TDRD12: variants seen among roughly 807,000 people sequenced by gnomAD.
TDRD12 encodes putative ATP-dependent RNA helicase TDRD12.
A neutral mutation model predicts 133.5 loss-of-function variants in TDRD12; 158 were observed. The ratio of observed to expected loss-of-function variants is 1.18; its 90% CI spans 1.04 to 1.35. The LOEUF is 1.35. TDRD12 is among the 40% of genes most tolerant of loss of function. The pLI is 0.00. For synonymous variants in TDRD12, 460 were observed against 477.9 expected, an observed-to-expected ratio of 0.96 and a Z score of 0.49; for missense variants, 1,443 against 1,321.3, an observed-to-expected ratio of 1.09 and a Z score of -1.43.
chr19:32,800,179 T>G (rs1265940477), exon 17 of TDRD12: 4 of 1,498,116 alleles, frequency 2.7e-6, no homozygotes. Context: ...GTTTGCTATA[T>G]TAGATAACTT....
At chr19:32,781,294 A>G (rs1340532381) in intron 11 of TDRD12, among the ~76,000 whole-genome samples, 1 of 151,658 alleles carries the variant, frequency 6.6e-6, no homozygotes, top group Non-Finnish European at 1.5e-5. Context: ...TGTTATCTAA[A>G]CTCAGGTTCT....
intron 1 of TDRD12, among the ~76,000 whole-genome samples, chr19:32,725,231 A>G (rs1403869843): frequency 6.6e-6 from 1 of 151,310 alleles, no homozygotes; most frequent in African/African-American, 2.4e-5. Context: ...CCATTTGTCA[A>G]TTTTTACTTT....
intron 8 of TDRD12, among the ~76,000 whole-genome samples, chr19:32,766,276 G>A (rs117259128): frequency 0.012 from 1,898 of 152,140 alleles, 17 homozygotes; most frequent in Non-Finnish European, 0.02. Context: ...TATTTATGGG[G>A]TACATGAGAT....
chr19:32,793,449 G>C (rs1971128008), intron 13 of TDRD12, among the ~76,000 whole-genome samples: 1 of 152,148 alleles, frequency 6.6e-6, no homozygotes, highest in Admixed American at 6.5e-5. Flanking sequence ...CAGGATAGTT[G>C]CTCAATACCA....
intron 5 of TDRD12, among the ~76,000 whole-genome samples, chr19:32,749,006 T>G (rs1034669241): frequency 2.0e-5 from 3 of 152,236 alleles, no homozygotes; most frequent in Admixed American, 6.5e-5. Context: ...CAGTGTCTTT[T>G]GTGGGATCTG....
intron 4 of TDRD12, among the ~76,000 whole-genome samples, chr19:32,744,499 C>CAAAAAAAA (rs10644749): frequency 4.5e-4 from 17 of 38,080 alleles, no homozygotes; most frequent in African/African-American, 1.0e-3. Flanking sequence ...GACTCCGTCT[C>CAAAAAAAA]AAAAAAAAAA....
chr19:32,769,680 A>T (rs1445176212), intron 8 of TDRD12, among the ~76,000 whole-genome samples: 1 of 151,638 alleles, frequency 6.6e-6, no homozygotes, highest in Non-Finnish European at 1.5e-5. Context: ...CTCATTGCCC[A>T]GGCTAGAGTG....
chr19:32,765,314 T>A (rs1970263737), intron 8 of TDRD12, among the ~76,000 whole-genome samples: 1 of 152,178 alleles, frequency 6.6e-6, no homozygotes, highest in Non-Finnish European at 1.5e-5. Flanking sequence ...GTTCAACCAT[T>A]GTGGAAGTCA....
chr19:32,802,642 C>T lies in TDRD12; in HGVS notation c.2198-14C>T. Reference sequence around the variant, plus strand: ...CTCCAGCGCGTGTGACATTGTCGGACTCCCTCTCTGCAGCCCTCACAGACG... The same window carrying T: ...CTCCAGCGCGTGTGACATTGTCGGATTCCCTCTCTGCAGCCCTCACAGACG... On this transcript the variant is annotated splice_polypyrimidine_tract_variant and intron_variant, in intron 19 of 27. Transcript: ENST00000444215. 2.0e-6 allele frequency: 3 copies of T among 1,535,122 alleles called. No homozygotes were observed. The South Asian group carries it at 3.6e-5, about 18-fold the overall frequency.
At chr19:32,820,750 C>A (rs928454987) in intron 27 of TDRD12, among the ~76,000 whole-genome samples, 2 of 152,078 alleles carry the variant, frequency 1.3e-5, no homozygotes, top group African/African-American at 4.8e-5. Flanking sequence ...GTCCTTTGGT[C>A]CTGTTTGAAG....
intron 26 of TDRD12, among the ~76,000 whole-genome samples, chr19:32,817,006 C>T (rs535087749): frequency 5.9e-5 from 9 of 152,282 alleles, no homozygotes; most frequent in African/African-American, 1.7e-4. Context: ...AAGGAAAACA[C>T]GCACCAAGTG....
chr19:32,775,911 C>T (rs1970569723), intron 10 of TDRD12, among the ~76,000 whole-genome samples: 1 of 152,170 alleles, frequency 6.6e-6, no homozygotes, highest in African/African-American at 2.4e-5. Flanking sequence ...TTTCTGTTAA[C>T]ATTCTCTAGA....
downstream of TDRD12, among the ~76,000 whole-genome samples, chr19:32,823,627 T>TA (rs1967483148): frequency 1.3e-5 from 2 of 152,120 alleles, no homozygotes; most frequent in Non-Finnish European, 2.9e-5. Context: ...GTTCTCTTCA[T>TA]AAAGTTTGCC....
At chr19:32,757,198 T>A in intron 8 of TDRD12, 68 bp downstream of exon 8, 1 of 1,297,728 alleles carries the variant, frequency 7.7e-7, no homozygotes, top group Non-Finnish European at 1.1e-6. Context: ...TTTTAAAGAT[T>A]AGAAAGGTTG....
intron 2 of TDRD12, among the ~76,000 whole-genome samples, chr19:32,738,000 G>A (rs1969277664): frequency 6.6e-6 from 1 of 152,136 alleles, no homozygotes; most frequent in Admixed American, 6.5e-5. Flanking sequence ...ATCTGGGCCT[G>A]GTGGCATGCG....
chr19:32,734,052 C>T (rs989741855), intron 2 of TDRD12, among the ~76,000 whole-genome samples: 20 of 151,712 alleles, frequency 1.3e-4, no homozygotes, highest in Non-Finnish European at 2.4e-4. Flanking sequence ...CCACCATGCC[C>T]GGCTAATTTC....
At chr19:32,748,837 A>G (rs963466002) in intron 5 of TDRD12, among the ~76,000 whole-genome samples, 2 of 152,238 alleles carry the variant, frequency 1.3e-5, no homozygotes, top group Non-Finnish European at 2.9e-5. Context: ...AAATAAATTC[A>G]TGTGGATTTT....
At chr19:32,795,745 A>G (rs1195092456) in intron 14 of TDRD12, among the ~76,000 whole-genome samples, 1 of 152,230 alleles carries the variant, frequency 6.6e-6, no homozygotes, top group Non-Finnish European at 1.5e-5. Context: ...CTGGAGCGGA[A>G]GCATGATGCT....
intron 8 of TDRD12, among the ~76,000 whole-genome samples, chr19:32,771,840 A>G (rs1970451516): frequency 6.6e-6 from 1 of 152,220 alleles, no homozygotes; most frequent in Non-Finnish European, 1.5e-5. Context: ...GCATTTTATA[A>G]TATTTCACAT....
Sources: gnomAD v4.1 joint callset for allele counts (sites outside exome capture counted in the v4.1 genomes callset) on GRCh38, gnomAD v4.1.1 for gene constraint, MANE v1.5 for transcripts, NCBI Gene and HGNC (gene_info 2026-07-23, HGNC 2026-07-21) for gene names.